SAV1: variants seen among roughly 807,000 people sequenced by gnomAD.
SAV1 encodes the protein salvador family WW domain containing protein 1, also known as protein salvador homolog 1.
SAV1 carries 23 observed loss-of-function variants against 47.3 expected under a neutral mutation model. That is an observed-to-expected ratio of 0.49 (90% CI 0.35 to 0.69). The LOEUF (loss-of-function observed/expected upper bound fraction) is 0.69, where lower values mean the gene tolerates loss of function less well. Among genes scored for constraint, SAV1 ranks in the 30% least tolerant of loss-of-function variants. The pLI, the probability that SAV1 is intolerant of heterozygous loss-of-function variation, is 0.01. For missense variants in SAV1, 448 were observed against 457.4 expected (o/e 0.98, Z 0.19); for synonymous variants, 155 against 159.2 (o/e 0.97, Z 0.20).
At chr14:50,659,499 T>C (rs565212613) in intron 2 of SAV1, among the ~76,000 whole-genome samples, 2 of 152,374 alleles carry the variant, frequency 1.3e-5, no homozygotes, top group Admixed American at 1.3e-4. Flanking sequence ...ATTGTCTTCC[T>C]GTGGCAGCCC....
chr14:50,666,978 G>C (rs2039906831), intron 1 of SAV1, among the ~76,000 whole-genome samples: 1 of 151,936 alleles, frequency 6.6e-6, no homozygotes, highest in Admixed American at 6.5e-5. Context: ...ATTACAATAT[G>C]AGGTAATACT....
chr14:50,640,926 AAGG>A (rs2039676849), intron 3 of SAV1, 33 bp from the exon 4 acceptor site: 1 of 1,548,924 alleles, frequency 6.5e-7, no homozygotes, highest in Non-Finnish European at 8.7e-7. Context: ...CTTTAGGATA[AAGG>A]TCTTAAAATC....
In SAV1 at chr14:50,644,994, T is replaced by C; in HGVS notation, c.556A>G (p.Thr186Ala). The C allele has an allele frequency of 1.2e-6, 2 of 1,611,236 alleles. No individual in the cohort carries two copies. Among genetic ancestry groups the C allele is most frequent in the South Asian group, 1.1e-5 (1 of 91,072 alleles). ...HASGIGRVAA[T>A]SLGNLTNHGS... Reference sequence around the variant, plus strand: ...TGGTTAGTCAAATTTCCTAAAGATGTAGCAGCAACTCTCCCAATACCTACG... The same window carrying C: ...TGGTTAGTCAAATTTCCTAAAGATGCAGCAGCAACTCTCCCAATACCTACG... Residue 186 changes from threonine (T) to alanine (A), a missense_variant, in exon 3 of 5, where the codon ACA (threonine) becomes GCA (alanine). Transcript: ENST00000324679.
intron 4 of SAV1, among the ~76,000 whole-genome samples, chr14:50,639,429 C>T (rs2039663843): frequency 6.6e-6 from 1 of 152,138 alleles, no homozygotes; most frequent in South Asian, 2.1e-4. Flanking sequence ...TAACCATTTC[C>T]ATCCTCTTCA....
At chr14:50,652,711 C>T (rs1404074253) in intron 2 of SAV1, among the ~76,000 whole-genome samples, 1 of 152,056 alleles carries the variant, frequency 6.6e-6, no homozygotes, top group East Asian at 1.9e-4. Flanking sequence ...TAATATGGAA[C>T]ATGAGAAAAA....
intron 2 of SAV1, among the ~76,000 whole-genome samples, chr14:50,653,849 C>T (rs1375899525): frequency 6.8e-6 from 1 of 148,142 alleles, no homozygotes; most frequent in Admixed American, 6.8e-5. Flanking sequence ...AACCTGGCAA[C>T]AGAGTGAGAC....
chr14:50,643,490 G>A (rs1390970521), intron 3 of SAV1, among the ~76,000 whole-genome samples: 1 of 152,144 alleles, frequency 6.6e-6, no homozygotes, highest in African/African-American at 2.4e-5. Flanking sequence ...AACAACATGG[G>A]GGAAATGGCC....
intron 2 of SAV1, among the ~76,000 whole-genome samples, chr14:50,649,542 A>C (rs568473104): frequency 6.6e-6 from 1 of 152,234 alleles, no homozygotes; most frequent in Admixed American, 6.5e-5. Context: ...TTTCACTCCC[A>C]TATTTTACTA....
At chr14:50,641,798 T>C (rs1230195282) in intron 3 of SAV1, among the ~76,000 whole-genome samples, 3 of 152,170 alleles carry the variant, frequency 2.0e-5, no homozygotes, top group East Asian at 1.9e-4. Flanking sequence ...TGGAAAGCAG[T>C]TGGGAGACTT....
intron 2 of SAV1, among the ~76,000 whole-genome samples, chr14:50,648,802 A>G (rs1434852718): frequency 1.3e-5 from 2 of 152,082 alleles, no homozygotes; most frequent in Non-Finnish European, 2.9e-5. Context: ...TACTAATAGC[A>G]TATGTATAAC....
Position 50,634,207 on chromosome 14 carries a change from G to A in SAV1, c.*976C>T, listed in dbSNP as rs1439103585. The A allele has an allele frequency of 2.0e-5, 9 of 454,978 alleles. No homozygotes were observed. In the Admixed American group the frequency reaches 2.1e-4, roughly 11 times the overall value. 28.2% of individuals were successfully genotyped at this position (454,978 alleles called of 1,614,324 possible). A position where few individuals can be genotyped will look rare whatever the true frequency, so the allele number is the denominator to read the frequency against. ...TAAGGAAGATGATGTTAGCAACTTT[G>A]AGTTTCACGCACCTTCCCAATACAG... On this transcript the variant is annotated 3_prime_UTR_variant, in exon 5 of 5. Transcript: ENST00000324679.
intron 2 of SAV1, among the ~76,000 whole-genome samples, chr14:50,659,745 C>T (rs1357115199): frequency 6.6e-6 from 1 of 152,158 alleles, no homozygotes; most frequent in East Asian, 1.9e-4. Context: ...ACTCAGGAGG[C>T]TGAGGTGGGA....
rs184806767 is a variant in SAV1, at chr14:50,667,780, G to A, written c.94+94C>T. The A allele has an allele frequency of 1.9e-3, 1,689 of 884,034 alleles. 3 individuals carry two copies. The highest frequency in any genetic ancestry group is 2.7e-3 in the Admixed American group (119 of 43,564). The allele number at this position is 884,034 out of a possible 1,614,324, so 54.8% of individuals were successfully genotyped here. A position where few individuals can be genotyped will look rare whatever the true frequency, so the allele number is the denominator to read the frequency against. On this transcript the variant is annotated intron_variant, in intron 1 of 4. Coordinates refer to ENST00000324679, the MANE Select transcript of SAV1 (RefSeq NM_021818.4). ...GTATTTCACGCGACCAAGGACGAAG[G>A]AGAAGCCCTGGAGACCCGCCGGCGC...
At chr14:50,651,928 G>A (rs2039772865) in intron 2 of SAV1, among the ~76,000 whole-genome samples, 1 of 152,030 alleles carries the variant, frequency 6.6e-6, no homozygotes, top group African/African-American at 2.4e-5. Flanking sequence ...CCCTGTGCCC[G>A]GCCCAAAGAG....
chr14:50,634,062 C>A lies in SAV1; in HGVS notation c.*1121G>T. On this transcript the variant is annotated 3_prime_UTR_variant, in exon 5 of 5. Transcript: ENST00000324679. ...AATGACCAAAAATTTTTTTTGAATC[C>A]CTGGTTGTCATTTTTGGTAGCTTAA... 3 of 280,972 alleles carry A rather than the reference C, an allele frequency of 1.1e-5. No individual in the cohort carries two copies. Among genetic ancestry groups the A allele is most frequent in the East Asian group, 9.8e-5 (1 of 10,234 alleles). 17.4% of individuals were successfully genotyped at this position (280,972 alleles called of 1,614,324 possible).
Position 50,634,379 on chromosome 14 carries a change from G to T in SAV1, c.*804C>A, listed in dbSNP as rs928576484. On this transcript the variant is annotated 3_prime_UTR_variant, in exon 5 of 5. Transcript: ENST00000324679. ...TTTTTATTTTTTGAGACAAGGTCTGGCTCTCTCTCTCTCAGGCTGCAGTGC... is the reference window on the plus strand; with the variant it reads ...TTTTTATTTTTTGAGACAAGGTCTGTCTCTCTCTCTCTCAGGCTGCAGTGC... 2.7e-5 allele frequency: 8 copies of T among 292,326 alleles called. No individual in the cohort carries two copies. The highest frequency in any genetic ancestry group is 1.8e-4 in the African/African-American group (8 of 45,236). 18.1% of individuals were successfully genotyped at this position (292,326 alleles called of 1,614,324 possible). A position where few individuals can be genotyped will look rare whatever the true frequency, so the allele number is the denominator to read the frequency against.
chr14:50,643,556 T>C lies in SAV1; in HGVS notation c.806+1188A>G, dbSNP rs190941439. 1.7e-4 allele frequency among the ~76,000 whole-genome samples: 26 copies of C among 152,312 alleles called. No homozygotes were observed. In the East Asian group the frequency reaches 4.8e-3, roughly 28 times the overall value. On this transcript the variant is annotated intron_variant, in intron 3 of 4. Transcript: ENST00000324679. ...CTCCCTTGATACATGGGGATTACGA[T>C]TTGAGATGAGATTTGGGTGAGGACA...
intron 3 of SAV1, 30 bp from the exon 4 acceptor site, chr14:50,640,923 A>C: frequency 6.4e-7 from 1 of 1,555,852 alleles, no homozygotes; most frequent in Admixed American, 1.9e-5. Flanking sequence ...ATTCTTTAGG[A>C]TAAAGGTCTT....
intron 2 of SAV1, among the ~76,000 whole-genome samples, chr14:50,653,228 T>C (rs1367271594): frequency 1.3e-5 from 2 of 151,936 alleles, no homozygotes; most frequent in African/African-American, 4.8e-5. Flanking sequence ...TAAACATTAA[T>C]AAAAAAATGA....
Sources: gnomAD v4.1 joint callset for allele counts (sites outside exome capture counted in the v4.1 genomes callset) on GRCh38, gnomAD v4.1.1 for gene constraint, MANE v1.5 for transcripts, NCBI Gene and HGNC (gene_info 2026-07-23, HGNC 2026-07-21) for gene names.